Variants in LYST observed in about 807,000 individuals in gnomAD.
The protein encoded by LYST is lysosomal trafficking regulator, also known as lysosomal-trafficking regulator.
In LYST, 192 loss-of-function variants were observed where a neutral mutation model predicts 413.6. The observed-to-expected ratio is 0.46, with a 90% CI of 0.41 to 0.52. The LOEUF is 0.52. LYST is among the 20% of genes least tolerant of loss of function. The pLI is 0.00. For synonymous variants in LYST, 1,525 were observed against 1,567.3 expected (o/e 0.97, Z 0.64); for missense variants, 3,815 against 4,499.9 (o/e 0.85, Z 4.35).
At chr1:235,795,305 G>A (rs940670625) in intron 10 of LYST, among the ~76,000 whole-genome samples, 1 of 152,178 alleles carries the variant, frequency 6.6e-6, no homozygotes, top group Non-Finnish European at 1.5e-5. Context: ...AAATGGTCAG[G>A]TGTATACAGG....
At chr1:235,671,393 T>C (rs1383112963) in intron 50 of LYST, among the ~76,000 whole-genome samples, 1 of 152,248 alleles carries the variant, frequency 6.6e-6, no homozygotes, top group Non-Finnish European at 1.5e-5. Flanking sequence ...TTTGAGATTA[T>C]CATATGGCTT....
At chr1:235,739,043 G>A (rs1665089903) in intron 31 of LYST, 5 of 648,400 alleles carry the variant, frequency 7.7e-6, no homozygotes, top group South Asian at 5.6e-5. Flanking sequence ...GATTTTAGTT[G>A]GAGGTTGTGC....
intron 19 of LYST, among the ~76,000 whole-genome samples, chr1:235,772,958 A>C (rs1054697188): frequency 4.6e-5 from 7 of 152,240 alleles, no homozygotes; most frequent in Non-Finnish European, 7.3e-5. Flanking sequence ...TCCATTTATA[A>C]TTAACATTAC....
chr1:235,882,951 A>G (rs949396731), intron 1 of LYST, among the ~76,000 whole-genome samples: 19 of 152,112 alleles, frequency 1.2e-4, no homozygotes, highest in African/African-American at 4.6e-4. Context: ...CCAGAAAAGT[A>G]TCTGTATTCT....
rs910186417 is a variant in LYST, at chr1:235,729,484, C to T, written c.9106+112G>A. ...TTAAGGCAAATTAGCCTATATGATA[C>T]TACAGAAAGTTTATCCAATTTAATG... On this transcript the variant is annotated intron_variant, in intron 37 of 52. Transcript: ENST00000389793. 5.3e-6 allele frequency: 4 copies of T among 747,962 alleles called. No individual in the cohort carries two copies. In the Admixed American group the frequency reaches 7.7e-5, roughly 14 times the overall value. 46.3% of individuals were successfully genotyped at this position (747,962 alleles called of 1,614,324 possible). A position where few individuals can be genotyped will look rare whatever the true frequency, so the allele number is the denominator to read the frequency against.
intron 50 of LYST, among the ~76,000 whole-genome samples, chr1:235,672,609 T>C (rs1659035639): frequency 6.6e-6 from 1 of 152,206 alleles, no homozygotes; most frequent in African/African-American, 2.4e-5. Flanking sequence ...CAAATCATGA[T>C]ATTTTAGTTC....
chr1:235,733,839 T>C lies in LYST; in HGVS notation c.8603A>G (p.Asn2868Ser). 6.3e-7 allele frequency: 1 copy of C among 1,596,572 alleles called. No homozygotes were observed. The highest frequency in any genetic ancestry group is 1.1e-5 in the South Asian group (1 of 90,750). ...KAAWQKTVNN[N>S]QQSLFQRLDS... ...ACATATAAAATCTTACCTTTGTTGA[T>C]TATTGTTAACTGTTTTCTGCCAAGC... Residue 2868 changes from asparagine to serine, a missense_variant, in exon 33 of 53, where the codon AAT becomes AGT. This residue lies in a region of LYST where 866 missense variants were observed against 1,156.0 expected (regional missense o/e 0.75). Coordinates refer to ENST00000389793, the MANE Select transcript of LYST (RefSeq NM_000081.4).
intron 1 of LYST, among the ~76,000 whole-genome samples, chr1:235,858,302 C>T (rs146788046): frequency 6.6e-6 from 1 of 152,134 alleles, no homozygotes; most frequent in Non-Finnish European, 1.5e-5. Context: ...AATGTTGATA[C>T]TAATATGTGA....
chr1:235,844,610 C>T (rs890987842), intron 1 of LYST, among the ~76,000 whole-genome samples: 1 of 152,090 alleles, frequency 6.6e-6, no homozygotes, highest in Non-Finnish European at 1.5e-5. Flanking sequence ...TAAATACTAC[C>T]TCTAAATGGT....
chr1:235,775,505 C>T (rs1403728848), intron 17 of LYST, among the ~76,000 whole-genome samples: 1 of 152,188 alleles, frequency 6.6e-6, no homozygotes, highest in Non-Finnish European at 1.5e-5. Context: ...ACCACATGTC[C>T]TGCCTTGTAT....
intron 1 of LYST, among the ~76,000 whole-genome samples, chr1:235,882,775 A>G (rs1349981460): frequency 1.3e-5 from 2 of 152,190 alleles, no homozygotes; most frequent in Non-Finnish European, 2.9e-5. Context: ...GGAGATGTTC[A>G]GTTTCATGTG....
chr1:235,715,293 T>A lies in LYST; in HGVS notation c.9692A>T (p.Tyr3231Phe). The A allele has an allele frequency of 6.2e-7, 1 of 1,614,078 alleles. No homozygotes were observed. Among genetic ancestry groups the A allele is most frequent in the Non-Finnish European group, 8.5e-7 (1 of 1,179,956 alleles). The change falls in exon 42 of 53, where the codon TAT (tyrosine) becomes TTT (phenylalanine). Residue 3231 changes from tyrosine to phenylalanine, a missense_variant. Coordinates refer to ENST00000389793, the MANE Select transcript of LYST (RefSeq NM_000081.4). ...EDDPMPPVQPYHYGSHYSNSG... is the reference protein window; with the variant it reads ...EDDPMPPVQPFHYGSHYSNSG... ...ATTGGAATAGTGGGAGCCATAGTGATAGGGCTGCACGGGAGGCATGGGGTC... is the reference window on the plus strand; with the variant it reads ...ATTGGAATAGTGGGAGCCATAGTGAAAGGGCTGCACGGGAGGCATGGGGTC...
intron 44 of LYST, among the ~76,000 whole-genome samples, chr1:235,703,968 T>G (rs1009373331): frequency 1.4e-4 from 21 of 152,164 alleles, no homozygotes; most frequent in Non-Finnish European, 4.4e-5. Context: ...GTCCATGAGT[T>G]CTCATTTAGC....
At position 235,674,802 on chromosome 1, in the gene LYST, C is replaced by T. The variant is rs1001478705; in HGVS notation, c.11038+2289G>A. On this transcript the variant is annotated intron_variant, in intron 50 of 52. Transcript: ENST00000389793. This position sits in a 1 kb window ranked among gnomAD's most constrained non-coding sequence, Gnocchi z 4.1. ...CAGTAAAACAATCACAAAAGCCCTA[C>T]AGGGCCTTACCACCCTAGCAAATAA... 2.0e-5 allele frequency among the ~76,000 whole-genome samples: 3 copies of T among 152,200 alleles called. No homozygotes were observed. The highest frequency in any genetic ancestry group is 4.4e-5 in the Non-Finnish European group (3 of 68,036).
chr1:235,849,994 A>G (rs1678340701), intron 1 of LYST, among the ~76,000 whole-genome samples: 1 of 152,014 alleles, frequency 6.6e-6, no homozygotes, highest in Admixed American at 6.6e-5. Context: ...TCAAAATACC[A>G]CTATCATTCT....
intron 25 of LYST, among the ~76,000 whole-genome samples, chr1:235,754,059 T>A (rs1448920447): frequency 6.6e-6 from 1 of 151,990 alleles, no homozygotes; most frequent in Non-Finnish European, 1.5e-5. Flanking sequence ...TCCATCAGCA[T>A]TCTACCAGGG....
intron 38 of LYST, among the ~76,000 whole-genome samples, chr1:235,727,278 C>T (rs1316531974): frequency 6.6e-6 from 1 of 151,790 alleles, no homozygotes; most frequent in Non-Finnish European, 1.5e-5. Context: ...GCCACCACCA[C>T]AACTGGCTAA....
upstream of LYST, among the ~76,000 whole-genome samples, chr1:235,867,081 T>A (rs1290017604): frequency 9.2e-5 from 14 of 152,132 alleles, 1 homozygote; most frequent in East Asian, 2.5e-3. Context: ...AGCGCCGGCG[T>A]CGCAGGCGTG....
chr1:235,856,953 T>A (rs1273419931), intron 1 of LYST, among the ~76,000 whole-genome samples: 1 of 150,464 alleles, frequency 6.6e-6, no homozygotes, highest in East Asian at 2.0e-4. Flanking sequence ...TTTTTTTTTT[T>A]TTTTTTTTTG....
Sources: allele counts gnomAD v4.1 joint callset (sites outside exome capture counted in the v4.1 genomes callset), GRCh38; gene constraint gnomAD v4.1.1; regional missense constraint gnomAD v4.1.1; non-coding constraint Gnocchi (gnomAD v3.1); transcripts MANE v1.5; gene names NCBI Gene and HGNC (gene_info 2026-07-23, HGNC 2026-07-21).